Variants in FMN2 observed in about 807,000 individuals in gnomAD.
FMN2 encodes the protein formin-2.
FMN2 carries 51 observed loss-of-function variants against 142.3 expected under a neutral mutation model. The observed-to-expected ratio is 0.36, with a 90% CI of 0.29 to 0.45. The LOEUF (loss-of-function observed/expected upper bound fraction) is 0.45, where lower values mean the gene tolerates loss of function less well. FMN2 is among the 20% of genes least tolerant of loss of function. The pLI is 1.00. For synonymous variants in FMN2, 882 were observed against 869.8 expected, an observed-to-expected ratio of 1.01 and a Z score of -0.25; for missense variants, 1,936 against 2,122.8, an observed-to-expected ratio of 0.91 and a Z score of 1.73.
Position 240,473,041 on chromosome 1 carries a change from A to C in FMN2, c.5142+588A>C, listed in dbSNP as rs1676862831. Among the ~76,000 whole-genome samples, 1 of 151,750 alleles carries C rather than the reference A, an allele frequency of 6.6e-6. No individual in the cohort carries two copies. Among genetic ancestry groups the C allele is most frequent in the Non-Finnish European group, 1.5e-5 (1 of 67,968 alleles). ...ATGTTGGCAGGGGCAGGGTGGGGAG[A>C]CCATCTTTCACTTTCTTTGTTACAC... On this transcript the variant is annotated intron_variant, in intron 17 of 17. Coordinates refer to ENST00000319653, the MANE Select transcript of FMN2 (RefSeq NM_020066.5). The surrounding 1 kb of genome is among the most constrained non-coding windows in gnomAD (Gnocchi z 4.3).
In FMN2 at chr1:240,275,197, G is replaced by A. The variant is rs146649578; in HGVS notation, c.4153+17165G>A. Reference sequence around the variant, plus strand: ...GGTGTTTTGCTGCATGCATCAACCCGTCACCTACATTAGGTATTTCTCCTA... The same window carrying A: ...GGTGTTTTGCTGCATGCATCAACCCATCACCTACATTAGGTATTTCTCCTA... On this transcript the variant is annotated intron_variant, in intron 7 of 17. Transcript: ENST00000319653. Among the ~76,000 whole-genome samples the A allele has an allele frequency of 3.7e-3, 566 of 151,150 alleles. 1 individual carries two copies. The highest frequency in any genetic ancestry group is 5.9e-3 in the Non-Finnish European group (404 of 67,910).
intron 7 of FMN2, among the ~76,000 whole-genome samples, chr1:240,288,694 G>A (rs1476805310): frequency 6.6e-6 from 1 of 151,974 alleles, no homozygotes; most frequent in Non-Finnish European, 1.5e-5. Flanking sequence ...TCCAAAATAA[G>A]GTTACAAAGA....
At chr1:240,385,279 C>T (rs1171767226) in intron 14 of FMN2, among the ~76,000 whole-genome samples, 2 of 152,124 alleles carry the variant, frequency 1.3e-5, no homozygotes, top group African/African-American at 2.4e-5. Flanking sequence ...CGTGTATTTA[C>T]TTATTTTTAG....
At chr1:240,202,271 T>A (rs372019858) in intron 4 of FMN2, among the ~76,000 whole-genome samples, 1 of 152,160 alleles carries the variant, frequency 6.6e-6, no homozygotes, top group African/African-American at 2.4e-5. Context: ...CTGGGTATCA[T>A]GTGTAATGAT....
chr1:240,461,990 A>G (rs942897455), intron 16 of FMN2, among the ~76,000 whole-genome samples: 2 of 152,304 alleles, frequency 1.3e-5, no homozygotes, highest in Admixed American at 6.5e-5. Flanking sequence ...AACAATATCT[A>G]TATAAATTTT....
chr1:240,238,643 G>T (rs1366874729), intron 6 of FMN2, among the ~76,000 whole-genome samples: 1 of 152,076 alleles, frequency 6.6e-6, no homozygotes, highest in East Asian at 1.9e-4. Flanking sequence ...TTCATTAGTT[G>T]CTCTGCTAGA....
intron 4 of FMN2, among the ~76,000 whole-genome samples, chr1:240,196,938 A>T (rs1359651242): frequency 6.6e-6 from 1 of 152,174 alleles, no homozygotes; most frequent in Non-Finnish European, 1.5e-5. Flanking sequence ...ATTATGAAAC[A>T]TACATTTGGT....
chr1:240,468,055 T>G (rs1676678169), intron 16 of FMN2, among the ~76,000 whole-genome samples: 1 of 152,196 alleles, frequency 6.6e-6, no homozygotes, highest in Non-Finnish European at 1.5e-5. Flanking sequence ...GATTGCTAAT[T>G]AGAAGTTGCA....
chr1:240,328,090 G>A (rs1671233788), intron 8 of FMN2, among the ~76,000 whole-genome samples: 1 of 135,060 alleles, frequency 7.4e-6, no homozygotes, highest in East Asian at 2.3e-4. Flanking sequence ...GCAGGTTGTA[G>A]TGAGCAGATG....
chr1:240,178,608 AT>A (rs1207118311), intron 3 of FMN2, among the ~76,000 whole-genome samples: 1 of 151,810 alleles, frequency 6.6e-6, no homozygotes, highest in Non-Finnish European at 1.5e-5. Flanking sequence ...CGTCCAGCTA[AT>A]TTTTTTGTAG....
intron 6 of FMN2, among the ~76,000 whole-genome samples, chr1:240,238,681 A>C (rs1312628836): frequency 6.6e-6 from 1 of 152,176 alleles, no homozygotes; most frequent in African/African-American, 2.4e-5. Flanking sequence ...TTACGTTGGA[A>C]ATCTACTTCA....
chr1:240,419,226 A>G (rs1406369644), intron 15 of FMN2, among the ~76,000 whole-genome samples: 1 of 152,192 alleles, frequency 6.6e-6, no homozygotes, highest in Non-Finnish European at 1.5e-5. Context: ...TTATGCCTAC[A>G]TATCTAGAGT....
chr1:240,102,857 T>TCA (rs1159804055), intron 1 of FMN2, among the ~76,000 whole-genome samples: 1 of 151,176 alleles, frequency 6.6e-6, no homozygotes, highest in Non-Finnish European at 1.5e-5. Context: ...AAAAAGGTGA[T>TCA]CCTTTAATTT....
At chr1:240,442,368 A>G (rs9727716) in intron 16 of FMN2, among the ~76,000 whole-genome samples, 5,511 of 152,296 alleles carry the variant, frequency 0.036, 339 homozygotes, top group African/African-American at 0.13. Flanking sequence ...TACCGTGGTT[A>G]GCTTAGCAGT....
At chr1:240,290,020 T>C (rs957245118) in intron 7 of FMN2, among the ~76,000 whole-genome samples, 1 of 152,188 alleles carries the variant, frequency 6.6e-6, no homozygotes, top group African/African-American at 2.4e-5. Flanking sequence ...GGAGAACACG[T>C]TAATAGCAAA....
chr1:240,320,154 A>G (rs1338991059), intron 8 of FMN2, among the ~76,000 whole-genome samples: 3 of 152,120 alleles, frequency 2.0e-5, no homozygotes, highest in Non-Finnish European at 2.9e-5. Context: ...AGATCTGCAA[A>G]TGATCAGGGT....
intron 10 of FMN2, among the ~76,000 whole-genome samples, chr1:240,329,811 T>C (rs935866483): frequency 3.3e-5 from 5 of 151,884 alleles, no homozygotes; most frequent in African/African-American, 9.7e-5. Context: ...CTTTTTTTTT[T>C]ACTTTCTTTC....
chr1:240,189,429 G>A (rs1470171031), intron 4 of FMN2, among the ~76,000 whole-genome samples: 1 of 152,170 alleles, frequency 6.6e-6, no homozygotes, highest in Non-Finnish European at 1.5e-5. Context: ...ATGACAACAA[G>A]CTTAGATTAC....
rs1187043184 is a variant in FMN2 at position 240,330,686 on chromosome 1, T to G, written c.4521T>G (p.Thr1507=). The change falls in exon 11 of 18, where the codon ACT becomes ACG. Residue 1507 remains threonine (T), a synonymous_variant. Coordinates refer to ENST00000319653, the MANE Select transcript of FMN2 (RefSeq NM_020066.5). ...FGNYMNGGNK[T]RGQADGFGLD... ...ACTACATGAATGGAGGAAATAAGACTCGAGGACAGGCAGATGGCTTTGGAT... is the reference window on the plus strand; with the variant it reads ...ACTACATGAATGGAGGAAATAAGACGCGAGGACAGGCAGATGGCTTTGGAT... The G allele has an allele frequency of 3.1e-6, 5 of 1,613,918 alleles. No individual in the cohort carries two copies. The highest frequency in any genetic ancestry group is 3.3e-5 in the Admixed American group (2 of 59,996).
Sources: allele counts gnomAD v4.1 joint callset (sites outside exome capture counted in the v4.1 genomes callset), GRCh38; gene constraint gnomAD v4.1.1; non-coding constraint Gnocchi (gnomAD v3.1); transcripts MANE v1.5; gene names NCBI Gene and HGNC (gene_info 2026-07-23, HGNC 2026-07-21).